Variants in CSMD1 observed in about 807,000 individuals in gnomAD.
CSMD1 encodes the protein CUB and sushi domain-containing protein 1.
CSMD1 carries 213 observed loss-of-function variants against 417.5 expected under a neutral mutation model. That is an observed-to-expected ratio of 0.51 (90% CI 0.46 to 0.57). The LOEUF is 0.57. Among genes scored for constraint, CSMD1 ranks in the 20% least tolerant of loss-of-function variants. The pLI is 0.00. For synonymous variants in CSMD1, 2,862 were observed against 1,736.8 expected, an observed-to-expected ratio of 1.65 and a Z score of -16.11; for missense variants, 6,923 against 4,529.7, an observed-to-expected ratio of 1.53 and a Z score of -15.17.
chr8:4,322,769 C>T (rs1051193913), intron 3 of CSMD1, among the ~76,000 whole-genome samples: 2 of 152,108 alleles, frequency 1.3e-5, no homozygotes, highest in Non-Finnish European at 2.9e-5. Context: ...CAGAGGTAGG[C>T]GGATCACTTG....
At chr8:3,633,929 A>C (rs1199643122) in intron 7 of CSMD1, among the ~76,000 whole-genome samples, 1 of 152,210 alleles carries the variant, frequency 6.6e-6, no homozygotes, top group Non-Finnish European at 1.5e-5. Context: ...AAATACATAA[A>C]ATATATCATT....
intron 10 of CSMD1, among the ~76,000 whole-genome samples, chr8:3,572,063 A>G (rs17066421): frequency 0.035 from 5,357 of 152,254 alleles, 320 homozygotes; most frequent in African/African-American, 0.12. Flanking sequence ...TGAGTGGTAT[A>G]CTGAGTCGGT....
At chr8:3,523,235 G>A (rs376751631) in intron 10 of CSMD1, among the ~76,000 whole-genome samples, 163 of 152,238 alleles carry the variant, frequency 1.1e-3, no homozygotes, top group African/African-American at 3.8e-3. Flanking sequence ...ATCATAGTAA[G>A]ACCTAAAGCA....
At chr8:4,958,315 A>G (rs957225427) in intron 1 of CSMD1, among the ~76,000 whole-genome samples, 74 of 152,208 alleles carry the variant, frequency 4.9e-4, no homozygotes, top group African/African-American at 1.8e-3. Context: ...ACTTTTACAA[A>G]TATTTCCAAT....
intron 2 of CSMD1, among the ~76,000 whole-genome samples, chr8:4,425,312 G>C (rs1797484965): frequency 6.7e-6 from 1 of 149,278 alleles, no homozygotes; most frequent in African/African-American, 2.5e-5. Context: ...CGTATGTAGG[G>C]AAAATATATG....
At chr8:4,352,204 C>G (rs939231293) in intron 3 of CSMD1, among the ~76,000 whole-genome samples, 11 of 152,240 alleles carry the variant, frequency 7.2e-5, no homozygotes, top group African/African-American at 2.4e-4. Context: ...AATAAGCAAG[C>G]CCCACTTAGA....
At chr8:4,032,804 A>T (rs936420696) in intron 3 of CSMD1, among the ~76,000 whole-genome samples, 1 of 152,186 alleles carries the variant, frequency 6.6e-6, no homozygotes, top group Admixed American at 6.5e-5. Flanking sequence ...TAAAATTCAA[A>T]GGCCGTCAAC....
intron 12 of CSMD1, among the ~76,000 whole-genome samples, chr8:3,417,331 G>A (rs1813220688): frequency 6.6e-6 from 1 of 152,182 alleles, no homozygotes; most frequent in Admixed American, 6.5e-5. Context: ...CTTAAAAATA[G>A]TGGAAAACAT....
chr8:3,536,786 C>A (rs1234837049), intron 10 of CSMD1, among the ~76,000 whole-genome samples: 2 of 152,134 alleles, frequency 1.3e-5, no homozygotes, highest in Admixed American at 6.5e-5. Flanking sequence ...TAAGTCATCT[C>A]TTCAGCACCG....
At chr8:3,433,775 C>G (rs1416942209) in intron 12 of CSMD1, among the ~76,000 whole-genome samples, 1 of 152,176 alleles carries the variant, frequency 6.6e-6, no homozygotes, top group African/African-American at 2.4e-5. Flanking sequence ...CTACGTAAGA[C>G]TTCAGAGCAG....
intron 4 of CSMD1, 40 bp downstream of exon 4, chr8:4,031,865 G>C (rs756588932): frequency 1.3e-6 from 2 of 1,515,198 alleles, no homozygotes; most frequent in Non-Finnish European, 1.8e-6. Flanking sequence ...CCATTGCCCT[G>C]CCCTGGAGTC....
At chr8:4,585,011 T>C (rs770194169) in intron 2 of CSMD1, among the ~76,000 whole-genome samples, 2 of 151,814 alleles carry the variant, frequency 1.3e-5, no homozygotes, top group African/African-American at 2.4e-5. Context: ...TCTCAAATTA[T>C]TTGTACAATT....
chr8:4,774,743 A>G lies in CSMD1; in HGVS notation c.86-137185T>C, dbSNP rs562522527. ...GTGCCATGCCTTTGTTGCTATTCTC[A>G]TAACAGACTTCCCAGGAGACCTTGT... On this transcript the variant is annotated intron_variant, in intron 1 of 69. Coordinates refer to ENST00000635120, the MANE Select transcript of CSMD1 (RefSeq NM_033225.6). Among the ~76,000 whole-genome samples, 11 of 152,256 alleles carry G rather than the reference A, an allele frequency of 7.2e-5. No individual in the cohort carries two copies. In the South Asian group the frequency reaches 1.0e-3, roughly 14 times the overall value.
chr8:3,064,517 T>C (rs1812792592), intron 49 of CSMD1, among the ~76,000 whole-genome samples: 1 of 152,188 alleles, frequency 6.6e-6, no homozygotes, highest in Non-Finnish European at 1.5e-5. Flanking sequence ...CTTTTCTTCA[T>C]AAATTACCCA....
At chr8:4,412,175 T>C (rs112839316) in intron 3 of CSMD1, among the ~76,000 whole-genome samples, 147 of 152,286 alleles carry the variant, frequency 9.7e-4, no homozygotes, top group African/African-American at 3.5e-3. Flanking sequence ...AGTTCGGATA[T>C]CTGTCAACGT....
At chr8:4,196,577 C>T (rs1277307800) in intron 3 of CSMD1, among the ~76,000 whole-genome samples, 1 of 152,116 alleles carries the variant, frequency 6.6e-6, no homozygotes, top group Admixed American at 6.6e-5. Context: ...AAAAGACTAC[C>T]ACATTCTCTG....
chr8:4,808,154 G>GTGTGACTC (rs1798695706), intron 1 of CSMD1, among the ~76,000 whole-genome samples: 1 of 152,142 alleles, frequency 6.6e-6, no homozygotes. Context: ...CACGATTCCG[G>GTGTGACTC]CGGTGTGGAG....
chr8:4,942,490 T>A (rs1278110227), intron 1 of CSMD1, among the ~76,000 whole-genome samples: 5 of 152,196 alleles, frequency 3.3e-5, no homozygotes, highest in African/African-American at 1.2e-4. Flanking sequence ...TATTTTAACT[T>A]ATATTTGTTA....
intron 8 of CSMD1, among the ~76,000 whole-genome samples, chr8:3,590,181 T>C (rs1198942542): frequency 3.9e-5 from 6 of 152,204 alleles, no homozygotes; most frequent in African/African-American, 1.2e-4. Context: ...ATGATCTATC[T>C]ATATTTATAT....
Sources: gnomAD v4.1 joint callset for allele counts (sites outside exome capture counted in the v4.1 genomes callset) on GRCh38, gnomAD v4.1.1 for gene constraint, MANE v1.5 for transcripts, NCBI Gene and HGNC (gene_info 2026-07-23, HGNC 2026-07-21) for gene names.